DLG2: variants seen among roughly 807,000 people sequenced by gnomAD.
DLG2 encodes disks large homolog 2.
In DLG2, 45 loss-of-function variants were observed where a neutral mutation model predicts 132.5. That is an observed-to-expected ratio of 0.34 (90% CI 0.27 to 0.44). The LOEUF is 0.44. Ranked by LOEUF, DLG2 falls within the 20% of genes least tolerant of loss-of-function variation. The pLI is 1.00. For missense variants in DLG2, 1,045 were observed against 1,196.9 expected (o/e 0.87, Z 1.87); for synonymous variants, 424 against 419.6 (o/e 1.01, Z -0.13).
At chr11:85,390,930 T>C (rs964774250) in intron 3 of DLG2, among the ~76,000 whole-genome samples, 3 of 151,290 alleles carry the variant, frequency 2.0e-5, no homozygotes, top group Admixed American at 1.3e-4. Flanking sequence ...AGAAAATAAA[T>C]AACCAAGATC....
intron 14 of DLG2, among the ~76,000 whole-genome samples, chr11:83,958,042 T>C (rs74793286): frequency 6.6e-6 from 1 of 152,170 alleles, no homozygotes; most frequent in Non-Finnish European, 1.5e-5. Flanking sequence ...TTCAATATAC[T>C]AAAATGTAAA....
intron 3 of DLG2, among the ~76,000 whole-genome samples, chr11:85,398,091 G>A (rs1000551123): frequency 3.9e-5 from 6 of 152,196 alleles, no homozygotes; most frequent in African/African-American, 1.4e-4. Flanking sequence ...TCAGACCACA[G>A]TGCAATCAAA....
chr11:84,257,366 C>G (rs1379784460), intron 7 of DLG2, among the ~76,000 whole-genome samples: 3 of 152,128 alleles, frequency 2.0e-5, no homozygotes, highest in Non-Finnish European at 4.4e-5. Flanking sequence ...TTATCACTAC[C>G]TGAAGGTTTG....
At chr11:83,803,304 A>G (rs973909549) in intron 17 of DLG2, among the ~76,000 whole-genome samples, 1 of 152,016 alleles carries the variant, frequency 6.6e-6, no homozygotes, top group Non-Finnish European at 1.5e-5. Context: ...TCTATTTGTG[A>G]GGGGGGATGG....
intron 15 of DLG2, among the ~76,000 whole-genome samples, chr11:83,903,234 A>G (rs1032094391): frequency 6.6e-6 from 1 of 151,874 alleles, no homozygotes; most frequent in African/African-American, 2.4e-5. Context: ...TATATAGTAA[A>G]CTCCCTAATA....
At position 84,329,844 on chromosome 11, in the gene DLG2, A is replaced by G. The variant is rs576346023; in HGVS notation, c.520-78553T>C. Reference sequence around the variant, plus strand: ...TGTGTATAATGTGATAAAGCTTTGTATAACATTTACGCACCTCATTTTTCC... The same window carrying G: ...TGTGTATAATGTGATAAAGCTTTGTGTAACATTTACGCACCTCATTTTTCC... On this transcript the variant is annotated intron_variant, in intron 7 of 27. Coordinates refer to ENST00000376104, the MANE Select transcript of DLG2 (RefSeq NM_001142699.3). Among the ~76,000 whole-genome samples, 18 of 152,328 alleles carry G rather than the reference A, an allele frequency of 1.2e-4. No individual in the cohort carries two copies. The East Asian group carries it at 1.5e-3, about 13-fold the overall frequency.
chr11:84,907,420 GTGAGAGTT>G (rs1303184965), intron 6 of DLG2, among the ~76,000 whole-genome samples: 1 of 152,168 alleles, frequency 6.6e-6, no homozygotes, highest in African/African-American at 2.4e-5. Flanking sequence ...AAGGGAGTCT[GTGAGAGTT>G]TTCCCAACAA....
At chr11:83,672,791 G>A (rs531145679) in intron 18 of DLG2, among the ~76,000 whole-genome samples, 67 of 152,236 alleles carry the variant, frequency 4.4e-4, no homozygotes, top group African/African-American at 1.3e-3. Flanking sequence ...GGCTGGATGC[G>A]GTGGCTCACG....
At chr11:85,135,637 C>T (rs1166142521) in intron 5 of DLG2, among the ~76,000 whole-genome samples, 2 of 152,190 alleles carry the variant, frequency 1.3e-5, no homozygotes, top group Non-Finnish European at 2.9e-5. Flanking sequence ...TAGGCAGTCC[C>T]TAAGTCATTC....
intron 17 of DLG2, among the ~76,000 whole-genome samples, chr11:83,818,044 A>G (rs1186286483): frequency 1.3e-5 from 2 of 152,200 alleles, no homozygotes; most frequent in African/African-American, 4.8e-5. Flanking sequence ...AAGGGCCTTT[A>G]AAGATCCTGA....
chr11:85,231,254 T>A (rs894754788), intron 4 of DLG2, among the ~76,000 whole-genome samples: 4 of 152,004 alleles, frequency 2.6e-5, no homozygotes, highest in African/African-American at 9.7e-5. Flanking sequence ...GTTGTCTTTC[T>A]CTATGTACTT....
rs71849863 is a variant in DLG2, at chr11:83,581,948, C to CTTTTTTTT, written c.1941-40098_1941-40091dup. ...GAATTTAGAATTCTGAGTTTGGACTCTTTTTTTTTTTTTTTTTTTTTTTTT... is the reference window on the plus strand; with the variant it reads ...GAATTTAGAATTCTGAGTTTGGACTCTTTTTTTTTTTTTTTTTTTTTTTTTTTTTTTTT... On this transcript the variant is annotated intron_variant, in intron 19 of 27. Transcript: ENST00000376104. Among the ~76,000 whole-genome samples, 83 of 52,630 alleles carry CTTTTTTTT rather than the reference C, an allele frequency of 1.6e-3. 7 individuals are homozygous for CTTTTTTTT. Among genetic ancestry groups the CTTTTTTTT allele is most frequent in the Admixed American group, 1.8e-3 (5 of 2,826 alleles). The allele number at this position is 52,630 out of a possible 152,430, so 34.5% of individuals were successfully genotyped here.
intron 16 of DLG2, among the ~76,000 whole-genome samples, chr11:83,868,029 A>G (rs1303843859): frequency 6.6e-6 from 1 of 152,174 alleles, no homozygotes; most frequent in African/African-American, 2.4e-5. Context: ...AAGTAGGAGG[A>G]GAGGTGGAAA....
chr11:84,280,867 ATTTTTTTTTTTT>A (rs35970331), intron 7 of DLG2, among the ~76,000 whole-genome samples: 10 of 67,702 alleles, frequency 1.5e-4, no homozygotes, highest in African/African-American at 2.9e-4. Context: ...TGCCCAGCCA[ATTTTTTTTTTTT>A]TTTTTTTTTT....
In DLG2 at chr11:84,399,414, A is replaced by C. The variant is rs546077975; in HGVS notation, c.519+135156T>G. 2.6e-5 allele frequency among the ~76,000 whole-genome samples: 4 copies of C among 152,200 alleles called. No homozygotes were observed. In the East Asian group the frequency reaches 7.7e-4, roughly 29 times the overall value. On this transcript the variant is annotated intron_variant, in intron 7 of 27. Coordinates refer to ENST00000376104, the MANE Select transcript of DLG2 (RefSeq NM_001142699.3). ...CAGGATAGGAGCCATGATGGCACTA[A>C]AAAATATTTATTTATTCATTTATTT...
chr11:83,975,369 T>A (rs1176700981), intron 12 of DLG2, among the ~76,000 whole-genome samples: 1 of 151,924 alleles, frequency 6.6e-6, no homozygotes, highest in Non-Finnish European at 1.5e-5. Flanking sequence ...CAAAACAAAA[T>A]TCTAGTGAAC....
intron 12 of DLG2, among the ~76,000 whole-genome samples, chr11:83,972,339 GT>G (rs1030189977): frequency 2.0e-5 from 3 of 152,068 alleles, no homozygotes; most frequent in African/African-American, 7.2e-5. Context: ...GTAGATTTGT[GT>G]TTATGAGAAA....
At chr11:84,573,743 A>G (rs1285456614) in intron 6 of DLG2, among the ~76,000 whole-genome samples, 1 of 152,184 alleles carries the variant, frequency 6.6e-6, no homozygotes, top group South Asian at 2.1e-4. Context: ...TGTCATGGGG[A>G]GGAAAAGCTG....
chr11:84,471,395 T>C (rs1186557133), intron 7 of DLG2, among the ~76,000 whole-genome samples: 2 of 151,774 alleles, frequency 1.3e-5, no homozygotes, highest in Non-Finnish European at 2.9e-5. Context: ...TCTGTCCTTC[T>C]CCAACAACCC....
Sources: gnomAD v4.1 joint callset for allele counts (sites outside exome capture counted in the v4.1 genomes callset) on GRCh38, gnomAD v4.1.1 for gene constraint, MANE v1.5 for transcripts, NCBI Gene and HGNC (gene_info 2026-07-23, HGNC 2026-07-21) for gene names.